The following NRXN3 variants were observed in gnomAD, a reference collection of about 807,000 sequenced individuals.
NRXN3 encodes the protein neurexin 3.
NRXN3 carries 32 observed loss-of-function variants against 137.6 expected under a neutral mutation model. That is an observed-to-expected ratio of 0.23 (90% CI 0.18 to 0.31). The LOEUF (loss-of-function observed/expected upper bound fraction) is 0.31. Among genes scored for constraint, NRXN3 ranks in the 10% least tolerant of loss-of-function variants. The pLI is 1.00. For missense variants in NRXN3, 1,574 were observed against 2,062.5 expected (o/e 0.76, Z 4.59); for synonymous variants, 798 against 784.5 (o/e 1.02, Z -0.29).
At chr14:79,344,090 C>T (rs1256703306) in intron 15 of NRXN3, among the ~76,000 whole-genome samples, 1 of 152,174 alleles carries the variant, frequency 6.6e-6, no homozygotes, top group Non-Finnish European at 1.5e-5. Flanking sequence ...AGAATGCCAG[C>T]TCTGTTTGAC....
intron 10 of NRXN3, among the ~76,000 whole-genome samples, chr14:78,955,699 T>A (rs868040498): frequency 6.6e-6 from 1 of 152,196 alleles, no homozygotes. Context: ...AATTTTTCAC[T>A]TTGAAACTCT....
chr14:78,837,856 T>C (rs2099001371), intron 10 of NRXN3, among the ~76,000 whole-genome samples: 1 of 152,172 alleles, frequency 6.6e-6, no homozygotes, highest in Non-Finnish European at 1.5e-5. Flanking sequence ...AATCTTGCCT[T>C]CATAATTTTT....
chr14:79,603,278 A>G (rs543724536), intron 16 of NRXN3, among the ~76,000 whole-genome samples: 2 of 152,324 alleles, frequency 1.3e-5, no homozygotes, highest in South Asian at 4.1e-4. Context: ...GTACGTGCCC[A>G]CACAATCTCT....
intron 15 of NRXN3, among the ~76,000 whole-genome samples, chr14:79,189,326 T>G (rs917149346): frequency 3.6e-5 from 5 of 139,696 alleles, no homozygotes; most frequent in African/African-American, 8.2e-5. Flanking sequence ...TCATAGGTGG[T>G]AATTGAACAA....
intron 15 of NRXN3, among the ~76,000 whole-genome samples, chr14:79,368,675 CTCTG>C (rs943751077): frequency 7.9e-5 from 12 of 152,294 alleles, no homozygotes; most frequent in African/African-American, 2.9e-4. Flanking sequence ...ACATTTGCAT[CTCTG>C]TCTGCCAGAA....
intron 16 of NRXN3, among the ~76,000 whole-genome samples, chr14:79,558,353 A>G (rs1053784303): frequency 6.6e-6 from 1 of 152,152 alleles, no homozygotes; most frequent in East Asian, 1.9e-4. Context: ...TGTCTATGGC[A>G]CCTATAGCCT....
chr14:78,301,956 T>C (rs992867104), intron 4 of NRXN3, among the ~76,000 whole-genome samples: 3 of 152,134 alleles, frequency 2.0e-5, no homozygotes, highest in African/African-American at 7.2e-5. Flanking sequence ...TGGTATCTTT[T>C]GAAAGGAGGT....
At chr14:79,689,715 T>C (rs1315840029) in intron 17 of NRXN3, among the ~76,000 whole-genome samples, 1 of 152,096 alleles carries the variant, frequency 6.6e-6, no homozygotes, top group Non-Finnish European at 1.5e-5. Flanking sequence ...TTATCTAACA[T>C]AGTTATCTCT....
intron 15 of NRXN3, among the ~76,000 whole-genome samples, chr14:79,376,210 G>GTGTATA (rs2094283647): frequency 2.5e-5 from 1 of 40,794 alleles, no homozygotes; most frequent in South Asian, 8.5e-4. Flanking sequence ...GTGTGTGTGT[G>GTGTATA]TATGTATATA....
At chr14:78,798,262 C>A (rs2098828228) in intron 8 of NRXN3, among the ~76,000 whole-genome samples, 1 of 152,136 alleles carries the variant, frequency 6.6e-6, no homozygotes, top group Non-Finnish European at 1.5e-5. Context: ...ATAAATATAG[C>A]CATTCCAAAG....
chr14:79,101,487 T>C (rs1220414112), intron 15 of NRXN3, among the ~76,000 whole-genome samples: 2 of 152,156 alleles, frequency 1.3e-5, no homozygotes, highest in Non-Finnish European at 2.9e-5. Context: ...TGGAGACATA[T>C]TTTCTGTGGG....
chr14:78,636,426 C>A (rs1266915337), intron 4 of NRXN3, among the ~76,000 whole-genome samples: 1 of 152,008 alleles, frequency 6.6e-6, no homozygotes, highest in Non-Finnish European at 1.5e-5. Context: ...GGAATAGTGA[C>A]TATCTAATTA....
intron 4 of NRXN3, among the ~76,000 whole-genome samples, chr14:78,347,497 T>C (rs922589074): frequency 6.6e-6 from 1 of 152,176 alleles, no homozygotes; most frequent in Non-Finnish European, 1.5e-5. Flanking sequence ...CTTTCTAAGC[T>C]GTTGCCACGC....
chr14:79,021,121 A>G (rs1284982123), intron 15 of NRXN3, among the ~76,000 whole-genome samples: 2 of 152,028 alleles, frequency 1.3e-5, no homozygotes, highest in Non-Finnish European at 2.9e-5. Flanking sequence ...TCCAGGGACT[A>G]TGTTGGACAC....
At chr14:79,560,504 C>CTTTTTTCTTTTT (rs2097482437) in intron 16 of NRXN3, among the ~76,000 whole-genome samples, 1 of 43,770 alleles carries the variant, frequency 2.3e-5, no homozygotes, top group Non-Finnish European at 4.0e-5. Context: ...AGATTGTAAG[C>CTTTTTTCTTTTT]TTTTTTTTTT....
chr14:79,749,436 G>GTT (rs112453553), intron 19 of NRXN3, among the ~76,000 whole-genome samples: 2,131 of 148,442 alleles, frequency 0.014, 44 homozygotes, highest in African/African-American at 0.044. Context: ...CTTCAGTGTT[G>GTT]TTTTTTTTTT....
intron 15 of NRXN3, among the ~76,000 whole-genome samples, chr14:79,291,363 G>A (rs939659537): frequency 1.2e-4 from 18 of 151,936 alleles, no homozygotes; most frequent in African/African-American, 4.3e-4. Flanking sequence ...AGTAGGTGGA[G>A]TTGTTTTCCC....
intron 10 of NRXN3, among the ~76,000 whole-genome samples, chr14:78,938,877 C>T (rs1234987410): frequency 8.1e-6 from 1 of 123,120 alleles, no homozygotes; most frequent in Non-Finnish European, 1.7e-5. Flanking sequence ...GATGGAGTCT[C>T]GCTGTCGCCC....
chr14:79,268,435 C>T lies in NRXN3; in HGVS notation c.3263-198786C>T, dbSNP rs539237214. On this transcript the variant is annotated intron_variant, in intron 15 of 20. Transcript: ENST00000335750. ...TGGTAGTTCTGCTTCTCTAGGTCAC[C>T]TCCAGATCCAGGTTGCCTTTTTCTT... Among the ~76,000 whole-genome samples the T allele has an allele frequency of 3.9e-5, 6 of 152,258 alleles. No individual in the cohort carries two copies. The South Asian group carries it at 8.3e-4, about 21-fold the overall frequency.
Sources: allele counts gnomAD v4.1 joint callset (sites outside exome capture counted in the v4.1 genomes callset), GRCh38; gene constraint gnomAD v4.1.1; transcripts MANE v1.5; gene names NCBI Gene and HGNC (gene_info 2026-07-23, HGNC 2026-07-21).